The following ALS2 variants were observed in gnomAD, a reference collection of about 807,000 sequenced individuals.
The protein encoded by ALS2 is alsin Rho guanine nucleotide exchange factor ALS2, also known as alsin.
In ALS2, 117 loss-of-function variants were observed where a neutral mutation model predicts 203.4. That is an observed-to-expected ratio of 0.58 (90% CI 0.50 to 0.67). ALS2 has a LOEUF of 0.67. ALS2 is among the 30% of genes least tolerant of loss of function. The pLI, the probability that ALS2 is intolerant of heterozygous loss-of-function variation, is 0.00. For missense variants in ALS2, 1,715 were observed against 1,989.4 expected, an observed-to-expected ratio of 0.86 and a Z score of 2.62; for synonymous variants, 718 against 725.9, an observed-to-expected ratio of 0.99 and a Z score of 0.17.
chr2:201,772,919 T>C, intron 1 of ALS2, among the ~76,000 whole-genome samples: 1 of 139,276 alleles, frequency 7.2e-6, no homozygotes. Flanking sequence ...TAGAGTGCAA[T>C]GGCATGATCT....
chr2:201,728,228 A>C (rs1691317551), intron 15 of ALS2, among the ~76,000 whole-genome samples: 1 of 152,026 alleles, frequency 6.6e-6, no homozygotes, highest in African/African-American at 2.4e-5. Context: ...TGTATCTCCT[A>C]ATGCTATCCC....
intron 12 of ALS2, among the ~76,000 whole-genome samples, chr2:201,737,562 T>C (rs1691958586): frequency 6.6e-6 from 1 of 152,236 alleles, no homozygotes; most frequent in Non-Finnish European, 1.5e-5. Flanking sequence ...ATATTAAAAG[T>C]ATTCTCATTA....
rs10451572 is a variant in ALS2, at chr2:201,741,470, C to T, written c.2351+204G>A. The T allele has an allele frequency of 0.59, 332,349 of 564,100 alleles. 104,295 individuals are homozygous for T. The highest frequency in any genetic ancestry group is 0.7 in the Admixed American group (23,595 of 33,548). The allele number at this position is 564,100 out of a possible 1,614,324, so 34.9% of individuals were successfully genotyped here. ...GAATATAGAAGAAAACATGATAATT[C>T]ATTATTTTTAAATTTTTTTTCATTT... On this transcript the variant is annotated intron_variant, in intron 11 of 33. Coordinates refer to ENST00000264276, the MANE Select transcript of ALS2 (RefSeq NM_020919.4).
At chr2:201,748,832 A>G (rs1392536380) in intron 8 of ALS2, among the ~76,000 whole-genome samples, 2 of 152,248 alleles carry the variant, frequency 1.3e-5, no homozygotes, top group Admixed American at 1.3e-4. Context: ...AAATAGTGAC[A>G]GATGCACAGT....
At chr2:201,714,284 G>T (rs1690226836) in intron 25 of ALS2, among the ~76,000 whole-genome samples, 1 of 152,202 alleles carries the variant, frequency 6.6e-6, no homozygotes, top group Non-Finnish European at 1.5e-5. Flanking sequence ...TGTAAGCTGG[G>T]ACTGTGGAAT....
At chr2:201,703,196 A>G (rs1966426) in intron 33 of ALS2, among the ~76,000 whole-genome samples, 136,133 of 152,238 alleles carry the variant, frequency 0.89, 61,075 homozygotes, top group East Asian at 0.98. Flanking sequence ...TTGAATTCTA[A>G]TTATTTTTCT....
rs1042004354 is a variant in ALS2 at position 201,718,342 on chromosome 2, C to T, written c.3703-132G>A. On this transcript the variant is annotated intron_variant, in intron 23 of 33. Coordinates refer to ENST00000264276, the MANE Select transcript of ALS2 (RefSeq NM_020919.4). The stretch of plus-strand genomic sequence containing the variant: ...TGATGCGATCTTGGCTCACTGCAAC[C>T]TCCGCTTCCTGGGTTAAAGTGATCC... 30 of 981,936 alleles carry T rather than the reference C, an allele frequency of 3.1e-5. 1 individual carries two copies. Among genetic ancestry groups the T allele is most frequent in the Middle Eastern group, 2.3e-4 (1 of 4,264 alleles). The allele number at this position is 981,936 out of a possible 1,614,324, so 60.8% of individuals were successfully genotyped here. A position where few individuals can be genotyped will look rare whatever the true frequency, so the allele number is the denominator to read the frequency against.
chr2:201,708,600 C>G (rs1434529104), intron 27 of ALS2, among the ~76,000 whole-genome samples: 1 of 152,098 alleles, frequency 6.6e-6, no homozygotes, highest in Non-Finnish European at 1.5e-5. Context: ...TCCCTCTGTA[C>G]TCAACCTAAA....
intron 31 of ALS2, 36 bp from the exon 32 acceptor site, chr2:201,704,639 A>C: frequency 6.2e-7 from 1 of 1,612,910 alleles, no homozygotes; most frequent in Non-Finnish European, 8.5e-7. Flanking sequence ...ACATCCTATA[A>C]TTTTCTTAAT....
At chr2:201,779,892 T>C (rs1694819590) in intron 1 of ALS2, 1 of 152,214 alleles carries the variant, frequency 6.6e-6, no homozygotes, top group African/African-American at 2.4e-5. Flanking sequence ...AAATTATTCA[T>C]TAACTCAAAG....
intron 25 of ALS2, 113 bp downstream of exon 25, chr2:201,715,559 G>A (rs1690322049): frequency 8.5e-6 from 11 of 1,300,500 alleles, no homozygotes; most frequent in African/African-American, 1.5e-5. Context: ...TTACTCAGAA[G>A]CGAAGTAAAT....
intron 1 of ALS2, among the ~76,000 whole-genome samples, chr2:201,773,140 G>C (rs150041754): frequency 6.6e-6 from 1 of 152,262 alleles, no homozygotes. Context: ...GATTACAGGC[G>C]TGAGCCAATG....
At chr2:201,731,658 T>C (rs1327114897) in intron 13 of ALS2, among the ~76,000 whole-genome samples, 1 of 151,648 alleles carries the variant, frequency 6.6e-6, no homozygotes, top group African/African-American at 2.4e-5. Context: ...ACGTCAAGGC[T>C]GTGCCTTAGA....
chr2:201,711,119 G>C lies in ALS2; in HGVS notation c.4005-11C>G. 1.3e-6 allele frequency: 2 copies of C among 1,488,242 alleles called. No homozygotes were observed. The highest frequency in any genetic ancestry group is 1.9e-6 in the Non-Finnish European group (2 of 1,066,712). 92.2% of individuals were successfully genotyped at this position (1,488,242 alleles called of 1,614,324 possible). A position where few individuals can be genotyped will look rare whatever the true frequency, so the allele number is the denominator to read the frequency against. On this transcript the variant is annotated splice_polypyrimidine_tract_variant and intron_variant, in intron 25 of 33. Transcript: ENST00000264276. ...CTCAGTATTTCTGGACTATAAAAAG[G>C]GAAAGAAAAGTCTGTTGTATTTCAC...
chr2:201,770,978 T>C (rs1694348661), intron 1 of ALS2, among the ~76,000 whole-genome samples: 1 of 152,188 alleles, frequency 6.6e-6, no homozygotes, highest in Non-Finnish European at 1.5e-5. Flanking sequence ...TAACAATTTG[T>C]TGCAGCTGCA....
At chr2:201,707,627 C>G (rs1689804796) in intron 28 of ALS2, among the ~76,000 whole-genome samples, 1 of 151,826 alleles carries the variant, frequency 6.6e-6, no homozygotes, top group Non-Finnish European at 1.5e-5. Context: ...ATGGGGTCTC[C>G]CTATCTTGCC....
chr2:201,776,166 T>C (rs150690121), intron 1 of ALS2, among the ~76,000 whole-genome samples: 9 of 152,348 alleles, frequency 5.9e-5, no homozygotes, highest in South Asian at 2.1e-4. Context: ...GACACTTTTA[T>C]CTCATGTCAC....
chr2:201,777,042 C>T (rs1438394849), intron 1 of ALS2, among the ~76,000 whole-genome samples: 3 of 152,138 alleles, frequency 2.0e-5, no homozygotes, highest in East Asian at 3.8e-4. Flanking sequence ...AAGATAACTA[C>T]GTTGTAATAA....
rs144947824 is a variant in ALS2, at chr2:201,730,681, A to C, written c.2581-1498T>G. 1.5e-3 allele frequency among the ~76,000 whole-genome samples: 221 copies of C among 150,184 alleles called. 1 individual carries two copies. Among genetic ancestry groups the C allele is most frequent in the South Asian group, 5.6e-3 (27 of 4,780 alleles). ...TATTTCAAGAGGAGCTCTCAACTCA[A>C]CTATCACAGTCATGCTTTTTCTTGA... is the stretch of plus-strand genomic sequence containing the variant. On this transcript the variant is annotated intron_variant, in intron 13 of 33. Transcript: ENST00000264276.
Sources: allele counts gnomAD v4.1 joint callset (sites outside exome capture counted in the v4.1 genomes callset), GRCh38; gene constraint gnomAD v4.1.1; transcripts MANE v1.5; gene names NCBI Gene and HGNC (gene_info 2026-07-23, HGNC 2026-07-21).